TRHDE: variants seen among roughly 807,000 people sequenced by gnomAD.
TRHDE encodes the protein thyrotropin-releasing hormone-degrading ectoenzyme.
Under a neutral mutation model 125.7 loss-of-function variants are expected in TRHDE, and 72 were observed. The ratio of observed to expected loss-of-function variants is 0.57; its 90% confidence interval spans 0.47 to 0.70. TRHDE has a LOEUF of 0.70. Ranked by LOEUF, TRHDE falls within the 30% of genes least tolerant of loss-of-function variation. The pLI is 0.00. For missense variants in TRHDE, 1,110 were observed against 1,327.1 expected, an observed-to-expected ratio of 0.84 and a Z score of 2.54; for synonymous variants, 509 against 509.1, an observed-to-expected ratio of 1.00 and a Z score of 0.00.
chr12:72,221,767 C>T (rs1013354123), intron 2 of TRHDE, among the ~76,000 whole-genome samples: 1 of 152,152 alleles, frequency 6.6e-6, no homozygotes, highest in African/African-American at 2.4e-5. Context: ...GAATACCATA[C>T]ATTCAGCTAT....
At chr12:72,644,401 G>A (rs1005071561) in intron 15 of TRHDE, among the ~76,000 whole-genome samples, 3 of 152,148 alleles carry the variant, frequency 2.0e-5, no homozygotes, top group Admixed American at 6.5e-5. Flanking sequence ...CAATCTAGCC[G>A]TGTGAGGGAG....
intron 4 of TRHDE, among the ~76,000 whole-genome samples, chr12:72,471,923 A>G (rs1027710977): frequency 6.6e-6 from 1 of 152,070 alleles, no homozygotes; most frequent in Non-Finnish European, 1.5e-5. Flanking sequence ...CCAGCCGCAC[A>G]GGTCTTTCTT....
At chr12:72,283,275 C>T (rs569950479) in intron 1 of TRHDE, among the ~76,000 whole-genome samples, 1 of 152,148 alleles carries the variant, frequency 6.6e-6, no homozygotes, top group East Asian at 1.9e-4. Flanking sequence ...TTTAAAAAAC[C>T]AATCACACTT....
intron 6 of TRHDE, among the ~76,000 whole-genome samples, chr12:72,529,333 T>A (rs994195748): frequency 1.3e-5 from 2 of 152,070 alleles, no homozygotes; most frequent in Non-Finnish European, 2.9e-5. Context: ...AGACCCAAAG[T>A]CAGCAGTTAT....
intron 7 of TRHDE, among the ~76,000 whole-genome samples, chr12:72,546,500 GT>G (rs1181208141): frequency 6.6e-6 from 1 of 151,498 alleles, no homozygotes; most frequent in East Asian, 1.9e-4. Context: ...TTAAGAAGCT[GT>G]TTTGGCTCTG....
chr12:72,542,397 G>A, intron 7 of TRHDE, 41 bp downstream of exon 7: 2 of 1,539,208 alleles, frequency 1.3e-6, no homozygotes, highest in South Asian at 2.3e-5. Flanking sequence ...ATTTTTCCTT[G>A]TCAATATATT....
At chr12:72,137,899 T>C (rs1177626711) in intron 2 of TRHDE, among the ~76,000 whole-genome samples, 1 of 152,148 alleles carries the variant, frequency 6.6e-6, no homozygotes, top group Non-Finnish European at 1.5e-5. Flanking sequence ...GGAAAGACCT[T>C]GAAAGAAGCG....
At position 72,378,056 on chromosome 12, in the gene TRHDE, T is replaced by A; in HGVS notation, c.1250T>A (p.Ile417Lys). Residue 417 changes from isoleucine to lysine, a missense_variant, in exon 3 of 19, where the codon ATA (isoleucine) becomes AAA (lysine). Transcript: ENST00000261180. ...GGATCCGGGGACTATGCTCTCCATA[T>A]AACAAAGAGATTAATAGAATTTTAT... is the stretch of plus-strand genomic sequence containing the variant. ...RRGSGDYALH[I>K]TKRLIEFYED... is the part of the protein sequence containing the mutation. The A allele has an allele frequency of 6.2e-7, 1 of 1,607,658 alleles. No individual in the cohort carries two copies. Among genetic ancestry groups the A allele is most frequent in the Non-Finnish European group, 8.5e-7 (1 of 1,176,260 alleles).
chr12:72,570,434 A>T (rs886563100), intron 10 of TRHDE, among the ~76,000 whole-genome samples: 4 of 152,014 alleles, frequency 2.6e-5, no homozygotes, highest in Admixed American at 2.6e-4. Flanking sequence ...TACAGAAATT[A>T]GCTGGGCATG....
intron 12 of TRHDE, among the ~76,000 whole-genome samples, chr12:72,584,421 T>C (rs1003657625): frequency 1.3e-5 from 2 of 152,188 alleles, no homozygotes; most frequent in Admixed American, 6.5e-5. Context: ...ACATTCACTC[T>C]CTTAGCATTT....
intron 3 of TRHDE, among the ~76,000 whole-genome samples, chr12:72,427,524 G>T (rs753815472): frequency 6.6e-6 from 1 of 152,036 alleles, no homozygotes; most frequent in Non-Finnish European, 1.5e-5. Flanking sequence ...CCCTCTATTT[G>T]TATCCCTGGC....
intron 3 of TRHDE, among the ~76,000 whole-genome samples, chr12:72,443,795 A>G (rs1173387673): frequency 6.6e-6 from 1 of 151,824 alleles, no homozygotes; most frequent in Non-Finnish European, 1.5e-5. Context: ...AGAGGCTGCT[A>G]TAGAAAGAGC....
At chr12:72,456,618 A>T (rs2135878570) in intron 3 of TRHDE, among the ~76,000 whole-genome samples, 1 of 152,188 alleles carries the variant, frequency 6.6e-6, no homozygotes, top group African/African-American at 2.4e-5. Context: ...GTGGTAGGAA[A>T]ATGGCTCCTG....
chr12:72,670,708 T>C lies in TRHDE; in HGVS notation c.*7513T>C, dbSNP rs890476444. 6.6e-6 allele frequency: 1 copy of C among 151,656 alleles called. No homozygotes were observed. The allele number at this position is 151,656 out of a possible 1,614,324, so 9.4% of individuals were successfully genotyped here. A position where few individuals can be genotyped will look rare whatever the true frequency, so the allele number is the denominator to read the frequency against. ...TGCTATATTGTAAAAATAAAAACAA[T>C]TTGTTCTCCTTTCTAATTATATGCC... On this transcript the variant is annotated 3_prime_UTR_variant, in exon 19 of 19. Transcript: ENST00000261180.
chr12:72,612,228 C>G (rs1872658638), intron 12 of TRHDE, among the ~76,000 whole-genome samples: 1 of 152,196 alleles, frequency 6.6e-6, no homozygotes, highest in African/African-American at 2.4e-5. Flanking sequence ...TCAACCTGTT[C>G]TCTTACTTCA....
chr12:72,607,249 G>C (rs559884498), intron 12 of TRHDE, among the ~76,000 whole-genome samples: 1 of 151,944 alleles, frequency 6.6e-6, no homozygotes, highest in Non-Finnish European at 1.5e-5. Context: ...CCTGTAAATC[G>C]GTAACTGAAT....
At chr12:72,299,040 T>C (rs1880408554) in intron 2 of TRHDE, among the ~76,000 whole-genome samples, 1 of 152,148 alleles carries the variant, frequency 6.6e-6, no homozygotes, top group Non-Finnish European at 1.5e-5. Flanking sequence ...GAAGAAATGA[T>C]AAGACAAAAT....
In TRHDE at chr12:72,670,107, T is replaced by A. The variant is rs115750746; in HGVS notation, c.*6912T>A. ...TATTCAGTAATAAAGTTTACTTTCCTAAATCCATTCCCCAAGTGAACAGGC... is the reference window on the plus strand; with the variant it reads ...TATTCAGTAATAAAGTTTACTTTCCAAAATCCATTCCCCAAGTGAACAGGC... On this transcript the variant is annotated 3_prime_UTR_variant, in exon 19 of 19. Transcript: ENST00000261180. 344 of 151,916 alleles carry A rather than the reference T, an allele frequency of 2.3e-3. 1 individual carries two copies. Among genetic ancestry groups the A allele is most frequent in the African/African-American group, 7.9e-3 (326 of 41,528 alleles). 9.4% of individuals were successfully genotyped at this position (151,916 alleles called of 1,614,324 possible).
chr12:72,174,981 A>T (rs1399094356), intron 2 of TRHDE, among the ~76,000 whole-genome samples: 1 of 152,164 alleles, frequency 6.6e-6, no homozygotes, highest in African/African-American at 2.4e-5. Flanking sequence ...TTTTCAAAAA[A>T]TTTTATTTTA....
Sources: allele counts gnomAD v4.1 joint callset (sites outside exome capture counted in the v4.1 genomes callset), GRCh38; gene constraint gnomAD v4.1.1; transcripts MANE v1.5; gene names NCBI Gene and HGNC (gene_info 2026-07-23, HGNC 2026-07-21).